KLHL32: variants seen among roughly 807,000 people sequenced by gnomAD.
The protein encoded by KLHL32 is kelch like family member 32, also known as kelch-like protein 32.
Under a neutral mutation model 64.8 loss-of-function variants are expected in KLHL32, and 35 were observed. The observed-to-expected ratio is 0.54, with a 90% CI of 0.41 to 0.72. The LOEUF (loss-of-function observed/expected upper bound fraction) is 0.72. Among genes scored for constraint, KLHL32 ranks in the 30% least tolerant of loss-of-function variants. KLHL32 has a pLI of 0.00. For synonymous variants in KLHL32, 259 were observed against 281.0 expected, an observed-to-expected ratio of 0.92 and a Z score of 0.78; for missense variants, 589 against 768.5, an observed-to-expected ratio of 0.77 and a Z score of 2.76.
intron 3 of KLHL32, among the ~76,000 whole-genome samples, chr6:97,022,306 C>T (rs1486313238): frequency 6.6e-6 from 1 of 150,682 alleles, no homozygotes; most frequent in Admixed American, 6.6e-5. Flanking sequence ...CTTGCTATTC[C>T]CTCAGACAGG....
intron 3 of KLHL32, among the ~76,000 whole-genome samples, chr6:96,999,886 G>A (rs1308028063): frequency 6.6e-6 from 1 of 152,026 alleles, no homozygotes; most frequent in African/African-American, 2.4e-5. Context: ...AGTTTGTGCC[G>A]GATGTTGCAA....
intron 1 of KLHL32, among the ~76,000 whole-genome samples, chr6:96,965,143 A>C (rs1774314775): frequency 6.6e-6 from 1 of 152,214 alleles, no homozygotes; most frequent in Non-Finnish European, 1.5e-5. Context: ...AATGGCCTGC[A>C]GTTGCATCCA....
At chr6:96,904,662 C>G in the KLHL32 span, among the ~76,000 whole-genome samples, 2 of 151,884 alleles carry the variant, frequency 1.3e-5, no homozygotes, top group Admixed American at 1.3e-4. Context: ...TAAAGTTCAT[C>G]CAGAAAAGAA....
At chr6:96,924,404 G>A (rs1040864842), upstream of KLHL32, among the ~76,000 whole-genome samples, 16 of 151,338 alleles carry the variant, frequency 1.1e-4, no homozygotes, top group Non-Finnish European at 1.9e-4. Context: ...AGAGCGAGGA[G>A]GAGGGCGGCG....
intron 4 of KLHL32, among the ~76,000 whole-genome samples, chr6:97,054,992 A>T (rs1259743104): frequency 1.3e-5 from 2 of 152,140 alleles, no homozygotes; most frequent in African/African-American, 2.4e-5. Flanking sequence ...ATCTTTGGAG[A>T]ATTATTTGTT....
intron 6 of KLHL32, among the ~76,000 whole-genome samples, chr6:97,094,589 T>C (rs1226812108): frequency 6.6e-6 from 1 of 152,212 alleles, no homozygotes; most frequent in African/African-American, 2.4e-5. Context: ...ACCTCCTCCT[T>C]GTTACGTGCG....
intron 10 of KLHL32, among the ~76,000 whole-genome samples, chr6:97,135,715 T>C (rs1444922615): frequency 6.6e-6 from 1 of 152,216 alleles, no homozygotes; most frequent in Non-Finnish European, 1.5e-5. Flanking sequence ...CATGTATCTT[T>C]CATTTTAGTT....
chr6:96,900,932 C>A, the KLHL32 span, among the ~76,000 whole-genome samples: 1 of 152,186 alleles, frequency 6.6e-6, no homozygotes, highest in Non-Finnish European at 1.5e-5. Flanking sequence ...AAATAATTTA[C>A]AAGGTTCCCA....
At chr6:97,114,580 T>C (rs1048121208) in intron 7 of KLHL32, 71 bp downstream of exon 7, 96 of 1,561,300 alleles carry the variant, frequency 6.1e-5, no homozygotes, top group Non-Finnish European at 8.4e-5. Context: ...AGTCAAGCTT[T>C]AATACTGTGG....
At chr6:97,057,364 A>G (rs1788146949) in intron 4 of KLHL32, among the ~76,000 whole-genome samples, 1 of 127,268 alleles carries the variant, frequency 7.9e-6, no homozygotes, top group Non-Finnish European at 1.6e-5. Context: ...TTGTATTTTT[A>G]GTAGAGACGG....
intron 5 of KLHL32, 59 bp downstream of exon 5, chr6:97,064,785 G>C: frequency 7.2e-7 from 1 of 1,391,568 alleles, no homozygotes; most frequent in Non-Finnish European, 1.0e-6. Flanking sequence ...ACAGTCATAA[G>C]CTGGCCCCCA....
intron 3 of KLHL32, among the ~76,000 whole-genome samples, chr6:96,987,134 A>G (rs969887187): frequency 2.0e-5 from 3 of 151,882 alleles, no homozygotes; most frequent in Non-Finnish European, 4.4e-5. Context: ...CGGTCTATCA[A>G]TTTTGTTGAT....
chr6:96,920,776 C>G (rs1490433983), upstream of KLHL32, among the ~76,000 whole-genome samples: 1 of 152,054 alleles, frequency 6.6e-6, no homozygotes, highest in Non-Finnish European at 1.5e-5. Context: ...ACCTTTAGTT[C>G]TCTCTGTCCC....
intron 3 of KLHL32, among the ~76,000 whole-genome samples, chr6:96,999,144 T>G (rs1778731081): frequency 6.6e-6 from 1 of 152,146 alleles, no homozygotes; most frequent in African/African-American, 2.4e-5. Context: ...GCCTGTAATC[T>G]CAACACTTTA....
chr6:97,111,587 G>A (rs1448040088), intron 6 of KLHL32, among the ~76,000 whole-genome samples: 2 of 152,190 alleles, frequency 1.3e-5, no homozygotes, highest in East Asian at 1.9e-4. Flanking sequence ...GCATCTAGTG[G>A]GGAGTGCCTG....
At chr6:97,122,360 T>C (rs190982187) in intron 7 of KLHL32, among the ~76,000 whole-genome samples, 45 of 152,362 alleles carry the variant, frequency 3.0e-4, no homozygotes, top group Admixed American at 1.2e-3. Context: ...GCATGGATTA[T>C]GTATGCTTCT....
At chr6:97,006,750 A>G (rs1779716004) in intron 3 of KLHL32, among the ~76,000 whole-genome samples, 1 of 152,168 alleles carries the variant, frequency 6.6e-6, no homozygotes, top group African/African-American at 2.4e-5. Flanking sequence ...TTGCTTATGA[A>G]ACTTAGTTTG....
intron 5 of KLHL32, 75 bp downstream of exon 5, chr6:97,064,801 T>G (rs907102492): frequency 2.6e-5 from 31 of 1,185,004 alleles, no homozygotes; most frequent in Non-Finnish European, 3.9e-5. Context: ...CCCCAACAAC[T>G]GGAGCTGAAT....
At chr6:97,042,006 G>A (rs990673776) in intron 4 of KLHL32, among the ~76,000 whole-genome samples, 1 of 152,098 alleles carries the variant, frequency 6.6e-6, no homozygotes, top group African/African-American at 2.4e-5. Flanking sequence ...TTGGTACCAT[G>A]TCCTCCACAT....
Sources: allele counts gnomAD v4.1 joint callset (sites outside exome capture counted in the v4.1 genomes callset), GRCh38; gene constraint gnomAD v4.1.1; transcripts MANE v1.5; gene names NCBI Gene and HGNC (gene_info 2026-07-23, HGNC 2026-07-21).